Variants in NCOA2 observed in about 807,000 individuals in gnomAD.
NCOA2 encodes nuclear receptor coactivator 2, also known as class E basic helix-loop-helix protein 75.
A neutral mutation model predicts 145.1 loss-of-function variants in NCOA2; 21 were observed. The ratio of observed to expected loss-of-function variants is 0.14; its 90% CI spans 0.10 to 0.21. The LOEUF (loss-of-function observed/expected upper bound fraction) is 0.21, where lower values mean the gene tolerates loss of function less well. Ranked by LOEUF, NCOA2 falls within the 10% of genes least tolerant of loss-of-function variation. The pLI, the probability that NCOA2 is intolerant of heterozygous loss-of-function variation, is 1.00. For synonymous variants in NCOA2, 619 were observed against 637.5 expected (o/e 0.97, Z 0.44); for missense variants, 1,472 against 1,837.6 (o/e 0.80, Z 3.64).
At chr8:70,172,430 T>C (rs957084525) in intron 5 of NCOA2, among the ~76,000 whole-genome samples, 1 of 152,236 alleles carries the variant, frequency 6.6e-6, no homozygotes, top group Non-Finnish European at 1.5e-5. Flanking sequence ...TTTAATTCTA[T>C]TTTAATCACA....
rs369650700 is a variant in NCOA2, at chr8:70,290,756, C to T, written c.-20+5988G>A. Among the ~76,000 whole-genome samples the T allele has an allele frequency of 5.9e-5, 9 of 151,906 alleles. No individual in the cohort carries two copies. In the East Asian group the frequency reaches 1.7e-3, roughly 29 times the overall value. The stretch of plus-strand genomic sequence containing the variant: ...TAATTTTATAAATGCTTAATTTAGA[C>T]CCTTGTATCTAGATGTTATAAATGG... On this transcript the variant is annotated intron_variant, in intron 2 of 22. Coordinates refer to ENST00000452400, the MANE Select transcript of NCOA2 (RefSeq NM_006540.4).
intron 3 of NCOA2, among the ~76,000 whole-genome samples, chr8:70,214,440 T>C (rs1408554002): frequency 6.6e-6 from 1 of 152,196 alleles, no homozygotes; most frequent in African/African-American, 2.4e-5. Flanking sequence ...AGGTTATATT[T>C]TAAAATTTAT....
the NCOA2 span, among the ~76,000 whole-genome samples, chr8:70,443,399 TA>T: frequency 0.01 from 1,555 of 152,244 alleles, 30 homozygotes; most frequent in African/African-American, 0.035. Flanking sequence ...ATACTAGGTA[TA>T]ATATATTTAT....
the NCOA2 span, among the ~76,000 whole-genome samples, chr8:70,436,993 C>A: frequency 2.0e-5 from 3 of 152,182 alleles, no homozygotes; most frequent in East Asian, 5.8e-4. Context: ...TGATGAAATT[C>A]CATTCATTTA....
chr8:70,329,968 C>A (rs994507166), intron 1 of NCOA2, among the ~76,000 whole-genome samples: 4 of 152,128 alleles, frequency 2.6e-5, no homozygotes, highest in Non-Finnish European at 5.9e-5. Context: ...GGAGAGGGAA[C>A]CTTCTGGAGT....
intron 2 of NCOA2, among the ~76,000 whole-genome samples, chr8:70,271,305 C>A (rs1424981284): frequency 6.6e-6 from 1 of 152,134 alleles, no homozygotes; most frequent in African/African-American, 2.4e-5. Flanking sequence ...GTGGAACACA[C>A]TGAGATTATT....
At chr8:70,201,337 T>G (rs994266838) in intron 4 of NCOA2, among the ~76,000 whole-genome samples, 1 of 152,136 alleles carries the variant, frequency 6.6e-6, no homozygotes, top group Admixed American at 6.5e-5. Flanking sequence ...TAAACACACC[T>G]CTGGAGTAAA....
chr8:70,262,596 C>G (rs948224467), intron 2 of NCOA2, among the ~76,000 whole-genome samples: 1 of 152,134 alleles, frequency 6.6e-6, no homozygotes, highest in Non-Finnish European at 1.5e-5. Flanking sequence ...GGTCTCTCAA[C>G]AAGTGGAATA....
At chr8:70,187,379 A>C (rs1816194775) in intron 4 of NCOA2, among the ~76,000 whole-genome samples, 1 of 152,206 alleles carries the variant, frequency 6.6e-6, no homozygotes, top group Non-Finnish European at 1.5e-5. Flanking sequence ...AAAAATGGTA[A>C]TATCCTCAGT....
At chr8:70,399,224 T>C (rs1813993240) in intron 1 of NCOA2, among the ~76,000 whole-genome samples, 1 of 152,242 alleles carries the variant, frequency 6.6e-6, no homozygotes, top group African/African-American at 2.4e-5. Flanking sequence ...ATATTCTTTT[T>C]ACAGCTTGCA....
chr8:70,277,938 TA>T (rs1375583109), intron 2 of NCOA2, among the ~76,000 whole-genome samples: 4 of 152,226 alleles, frequency 2.6e-5, no homozygotes, highest in Non-Finnish European at 4.4e-5. Context: ...TTCATCAATT[TA>T]AATAAAATGT....
intron 1 of NCOA2, among the ~76,000 whole-genome samples, chr8:70,335,537 C>T (rs562884999): frequency 6.6e-6 from 1 of 152,270 alleles, no homozygotes; most frequent in South Asian, 2.1e-4. Context: ...CAACCAATCT[C>T]CAGGACTATT....
At chr8:70,385,205 T>A (rs1011061875) in intron 1 of NCOA2, among the ~76,000 whole-genome samples, 2 of 152,228 alleles carry the variant, frequency 1.3e-5, no homozygotes, top group East Asian at 3.8e-4. Context: ...CTCTGAATTA[T>A]AATACCAAAT....
chr8:70,441,782 G>GAGAAAGAA, the NCOA2 span, among the ~76,000 whole-genome samples: 462 of 139,406 alleles, frequency 3.3e-3, 1 homozygote, highest in African/African-American at 0.01. Context: ...AAAGAAAGAA[G>GAGAAAGAA]AGAAAGAAAG....
intron 4 of NCOA2, among the ~76,000 whole-genome samples, chr8:70,198,787 A>G (rs1245231755): frequency 6.6e-6 from 1 of 152,196 alleles, no homozygotes; most frequent in Non-Finnish European, 1.5e-5. Flanking sequence ...TGGTGGTTAC[A>G]CAGACTGAGA....
intron 4 of NCOA2, among the ~76,000 whole-genome samples, chr8:70,199,680 C>T (rs376015791): frequency 3.3e-5 from 5 of 151,998 alleles, no homozygotes; most frequent in East Asian, 1.9e-4. Context: ...AGAAGAAGAA[C>T]GAGCAAACAG....
chr8:70,263,242 T>C (rs946835509), intron 2 of NCOA2, among the ~76,000 whole-genome samples: 2 of 147,732 alleles, frequency 1.4e-5, no homozygotes, highest in African/African-American at 5.0e-5. Context: ...AGTGTGGAGA[T>C]GAGGGACAAA....
intron 1 of NCOA2, among the ~76,000 whole-genome samples, chr8:70,337,112 T>C (rs1033133502): frequency 5.3e-5 from 8 of 152,120 alleles, no homozygotes; most frequent in African/African-American, 1.7e-4. Context: ...AATAAACTCA[T>C]TAATGTTTTT....
chr8:70,330,168 G>C (rs529949682), intron 1 of NCOA2, among the ~76,000 whole-genome samples: 56 of 151,500 alleles, frequency 3.7e-4, no homozygotes, highest in Non-Finnish European at 2.5e-4. Context: ...TTTGACACAG[G>C]ATATGAAGAT....
Sources: gnomAD v4.1 joint callset for allele counts (sites outside exome capture counted in the v4.1 genomes callset) on GRCh38, gnomAD v4.1.1 for gene constraint, MANE v1.5 for transcripts, NCBI Gene and HGNC (gene_info 2026-07-23, HGNC 2026-07-21) for gene names.